Variants in KLRD1 observed in about 807,000 individuals in gnomAD.
KLRD1 encodes the protein killer cell lectin like receptor D1, also known as natural killer cells antigen CD94.
Under a neutral mutation model 22.6 loss-of-function variants are expected in KLRD1, and 21 were observed. The observed-to-expected ratio is 0.93, with a 90% CI of 0.66 to 1.34. The LOEUF is 1.34. KLRD1 is among the 40% of genes most tolerant of loss of function. The probability of loss-of-function intolerance (pLI) is 0.00; values close to 1 mark genes in which losing one functional copy is unlikely to be tolerated. For missense variants in KLRD1, 183 were observed against 208.6 expected (o/e 0.88, Z 0.76); for synonymous variants, 59 against 71.1 (o/e 0.83, Z 0.85).
intron 1 of KLRD1, among the ~76,000 whole-genome samples, chr12:10,296,923 G>A (rs1316843806): frequency 1.3e-5 from 2 of 152,194 alleles, no homozygotes; most frequent in African/African-American, 2.4e-5. Context: ...CTTGGTTGTG[G>A]GAAGATGGCT....
In KLRD1 at chr12:10,322,577, G is replaced by C. The variant is rs1950321399; in HGVS notation, c.*7784G>C. On this transcript the variant is annotated 3_prime_UTR_variant, in exon 6 of 6. Coordinates refer to ENST00000336164, the MANE Select transcript of KLRD1 (RefSeq NM_002262.5). ...TACCCACCTGCTGTTGTTTGGACTG[G>C]CACCTTACTAGACCTGCTCCACAAA... 2 of 151,874 alleles carry C rather than the reference G, an allele frequency of 1.3e-5. No homozygotes were observed. The highest frequency in any genetic ancestry group is 4.2e-4 in the South Asian group (2 of 4,812). The allele number at this position is 151,874 out of a possible 1,614,324, so 9.4% of individuals were successfully genotyped here.
chr12:10,239,211 G>A (rs1250901809), intron 1 of KLRD1, among the ~76,000 whole-genome samples: 1 of 152,200 alleles, frequency 6.6e-6, no homozygotes, highest in Non-Finnish European at 1.5e-5. Context: ...AAGAATCAAG[G>A]ACAGATTAAA....
intron 1 of KLRD1, among the ~76,000 whole-genome samples, chr12:10,297,260 A>G (rs1949830660): frequency 6.6e-6 from 1 of 152,204 alleles, no homozygotes; most frequent in Non-Finnish European, 1.5e-5. Flanking sequence ...CGTTGAAATT[A>G]AAATTATTAT....
intron 1 of KLRD1, among the ~76,000 whole-genome samples, chr12:10,256,957 A>G (rs1351059939): frequency 1.3e-5 from 2 of 151,700 alleles, no homozygotes; most frequent in African/African-American, 2.4e-5. Context: ...TTTTTTAAGG[A>G]TGGTTTTGCC....
chr12:10,286,049 C>G (rs1297781691), intron 1 of KLRD1, among the ~76,000 whole-genome samples: 2 of 152,158 alleles, frequency 1.3e-5, no homozygotes, highest in Non-Finnish European at 2.9e-5. Flanking sequence ...TTTCCTCTAC[C>G]CATTACCCAT....
intron 1 of KLRD1, among the ~76,000 whole-genome samples, chr12:10,275,732 T>C (rs2137648772): frequency 6.6e-6 from 1 of 152,326 alleles, no homozygotes; most frequent in South Asian, 2.1e-4. Context: ...TATCCTCCAC[T>C]CTTTTTAAGA....
intron 3 of KLRD1, among the ~76,000 whole-genome samples, chr12:10,310,537 C>T (rs1039156023): frequency 7.2e-5 from 11 of 152,088 alleles, no homozygotes; most frequent in African/African-American, 1.2e-4. Context: ...CAGTGGCTCA[C>T]GTCTGTAATC....
chr12:10,246,936 T>C, intron 1 of KLRD1, among the ~76,000 whole-genome samples: 1 of 136,684 alleles, frequency 7.3e-6, no homozygotes, highest in Non-Finnish European at 1.5e-5. Flanking sequence ...TTCTTTTCTT[T>C]TTTTTTTTTT....
intron 1 of KLRD1, among the ~76,000 whole-genome samples, chr12:10,246,097 T>C (rs1565445924): frequency 6.6e-6 from 1 of 152,230 alleles, no homozygotes; most frequent in Non-Finnish European, 1.5e-5. Flanking sequence ...GCAAATTTTA[T>C]AATATCCCTA....
At chr12:10,266,001 A>G (rs1949495579) in intron 1 of KLRD1, among the ~76,000 whole-genome samples, 1 of 152,206 alleles carries the variant, frequency 6.6e-6, no homozygotes. Context: ...AGCAAAAAAG[A>G]TCACTGTAAA....
Position 10,321,554 on chromosome 12 carries a change from T to C in KLRD1, c.*6761T>C, listed in dbSNP as rs1950312458. 1 of 152,330 alleles carries C rather than the reference T, an allele frequency of 6.6e-6. No individual in the cohort carries two copies. Among genetic ancestry groups the C allele is most frequent in the East Asian group, 1.9e-4 (1 of 5,184 alleles). The allele number at this position is 152,330 out of a possible 1,614,324, so 9.4% of individuals were successfully genotyped here. A position where few individuals can be genotyped will look rare whatever the true frequency, so the allele number is the denominator to read the frequency against. On this transcript the variant is annotated 3_prime_UTR_variant, in exon 6 of 6. Transcript: ENST00000336164. ...AACCCTTTTGATATAATCAATTACA[T>C]TGTATAAGGGTTGATCACTGTGACC...
chr12:10,277,877 T>A (rs1182677569), intron 1 of KLRD1, among the ~76,000 whole-genome samples: 1 of 152,206 alleles, frequency 6.6e-6, no homozygotes, highest in African/African-American at 2.4e-5. Flanking sequence ...CATCAGAGAA[T>A]GTGGACATCT....
intron 1 of KLRD1, among the ~76,000 whole-genome samples, chr12:10,252,955 A>T (rs201047662): frequency 3.0e-4 from 1 of 3,382 alleles, no homozygotes; most frequent in Non-Finnish European, 0.045. Flanking sequence ...GGGCAGTTGT[A>T]AAAAAAAAAA....
intron 1 of KLRD1, among the ~76,000 whole-genome samples, chr12:10,269,208 T>C (rs1369264568): frequency 6.6e-6 from 1 of 152,152 alleles, no homozygotes; most frequent in Non-Finnish European, 1.5e-5. Flanking sequence ...TGGAGTGCAG[T>C]GGTGTGATTT....
At chr12:10,259,262 G>A (rs1949426776) in intron 1 of KLRD1, among the ~76,000 whole-genome samples, 1 of 152,106 alleles carries the variant, frequency 6.6e-6, no homozygotes, top group Admixed American at 6.6e-5. Flanking sequence ...TCTAGTGATT[G>A]ACAATTACTC....
chr12:10,260,646 CA>C (rs11318992), intron 1 of KLRD1, among the ~76,000 whole-genome samples: 146,829 of 150,896 alleles, frequency 0.97, 71,542 homozygotes, highest in East Asian at 1. Context: ...ACTAAAAATA[CA>C]AAAAAAAATT....
At chr12:10,256,178 C>T (rs1949393569) in intron 1 of KLRD1, among the ~76,000 whole-genome samples, 1 of 151,876 alleles carries the variant, frequency 6.6e-6, no homozygotes, top group South Asian at 2.1e-4. Flanking sequence ...TCCATTCTTT[C>T]ATTTTCAACT....
intron 1 of KLRD1, among the ~76,000 whole-genome samples, chr12:10,278,400 A>G (rs1172146606): frequency 6.6e-6 from 1 of 152,148 alleles, no homozygotes; most frequent in Non-Finnish European, 1.5e-5. Context: ...TATTTAAAGT[A>G]TTTGGTGGAC....
intron 3 of KLRD1, among the ~76,000 whole-genome samples, chr12:10,311,043 A>ATTT (rs1950055485): frequency 6.6e-6 from 1 of 152,226 alleles, no homozygotes; most frequent in South Asian, 2.1e-4. Context: ...AAAGTATGCT[A>ATTT]AAATGTTTTC....
Sources: gnomAD v4.1 joint callset for allele counts (sites outside exome capture counted in the v4.1 genomes callset) on GRCh38, gnomAD v4.1.1 for gene constraint, MANE v1.5 for transcripts, NCBI Gene and HGNC (gene_info 2026-07-23, HGNC 2026-07-21) for gene names.